ARHGAP30: variants seen among roughly 807,000 people sequenced by gnomAD.
The protein encoded by ARHGAP30 is Rho GTPase activating protein 30, also known as rho GTPase-activating protein 30.
ARHGAP30 carries 23 observed loss-of-function variants against 72.0 expected under a neutral mutation model. The observed-to-expected ratio is 0.32, with a 90% CI of 0.23 to 0.45. ARHGAP30 has a LOEUF of 0.45. ARHGAP30 is among the 20% of genes least tolerant of loss of function. The pLI is 1.00. For missense variants in ARHGAP30, 1,319 were observed against 1,383.4 expected (o/e 0.95, Z 0.74); for synonymous variants, 576 against 528.2 (o/e 1.09, Z -1.24).
chr1:161,065,339 G>A (rs1652680462), intron 1 of ARHGAP30, among the ~76,000 whole-genome samples: 1 of 152,136 alleles, frequency 6.6e-6, no homozygotes, highest in Admixed American at 6.5e-5. Flanking sequence ...ACAGAACAAT[G>A]TAATATGCAT....
intron 1 of ARHGAP30, among the ~76,000 whole-genome samples, chr1:161,064,819 GAAAGAAAGAAAGAGAAAGAAAGAA>G (rs1652606874): frequency 1.7e-5 from 1 of 60,600 alleles, no homozygotes; most frequent in Admixed American, 1.7e-4. Flanking sequence ...AAGAAAGAAA[GAAAGAAAGAAAGAGAAAGAAAGAA>G]AGAAAGGAAA....
rs761510561 is a variant in ARHGAP30, at chr1:161,049,434, A to G, written c.1676T>C (p.Val559Ala). Residue 559 changes from valine to alanine, a missense_variant, in exon 11 of 12, where the codon GTT becomes GCT. Physicochemically the swap from Val to Ala is moderately conservative, Grantham distance 64 (BLOSUM62 0). Transcript: ENST00000368013. The part of the protein sequence containing the change: ...GMGYLEELLG[V>A]GPQVEEFSVE... The stretch of plus-strand genomic sequence containing the variant: ...CACGGCTCTCCTTACCTGAGGCCCA[A>G]CTCCCAGGAGCTCCTCCAGGTAGCC... The G allele has an allele frequency of 1.9e-6, 3 of 1,609,590 alleles. No homozygotes were observed. The highest frequency in any genetic ancestry group is 1.7e-5 in the Admixed American group (1 of 59,812).
At chr1:161,060,265 G>A (rs747526181) in intron 1 of ARHGAP30, 3 of 372,876 alleles carry the variant, frequency 8.0e-6, no homozygotes, top group Non-Finnish European at 1.5e-5. Context: ...GTGAGACCCT[G>A]TTTCAAAAAA....
intron 3 of ARHGAP30, among the ~76,000 whole-genome samples, chr1:161,055,072 G>T (rs1318594267): frequency 2.0e-5 from 3 of 152,188 alleles, no homozygotes. Context: ...AACCTAGCCG[G>T]TGTGGACTGA....
intron 1 of ARHGAP30, among the ~76,000 whole-genome samples, chr1:161,062,031 T>G (rs1652347607): frequency 6.6e-6 from 1 of 152,006 alleles, no homozygotes; most frequent in African/African-American, 2.4e-5. Context: ...GAGGTTGCAA[T>G]GAGCCAAGAC....
Position 161,069,339 on chromosome 1 carries a change from G to T in ARHGAP30, c.97+189C>A, listed in dbSNP as rs1324876430. Among the ~76,000 whole-genome samples, 1 of 152,072 alleles carries T rather than the reference G, an allele frequency of 6.6e-6. No individual in the cohort carries two copies. The highest frequency in any genetic ancestry group is 1.5e-5 in the Non-Finnish European group (1 of 68,006). On this transcript the variant is annotated intron_variant, in intron 1 of 11. Coordinates refer to ENST00000368013, the MANE Select transcript of ARHGAP30 (RefSeq NM_001025598.2). This position sits in a 1 kb window ranked among gnomAD's most constrained non-coding sequence, Gnocchi z 4.9. Reference sequence around the variant, plus strand: ...CATCCCCAGAAAGTTACACAAGGGAGCCGCCCTGCCTTCTTCACTGAGCCA... The same window carrying T: ...CATCCCCAGAAAGTTACACAAGGGATCCGCCCTGCCTTCTTCACTGAGCCA...
Position 161,069,666 on chromosome 1 carries a change from C to T in ARHGAP30, c.-42G>A, listed in dbSNP as rs1465577146. 6 of 1,591,674 alleles carry T rather than the reference C, an allele frequency of 3.8e-6. No individual in the cohort carries two copies. The highest frequency in any genetic ancestry group is 5.1e-6 in the Non-Finnish European group (6 of 1,169,206). On this transcript the variant is annotated 5_prime_UTR_variant, in exon 1 of 12. Transcript: ENST00000368013. This position sits in a 1 kb window ranked among gnomAD's most constrained non-coding sequence, Gnocchi z 4.9. ...CACTGGCCCGGTCACCTCTATCCCC[C>T]AAGACCTGTGCCCTACCAGTCCCCC...
In ARHGAP30 at chr1:161,049,238, C is replaced by T. The variant is rs758788235; in HGVS notation, c.1783G>A (p.Gly595Ser). ...APSCCSLDSA[G>S]PRPEVEEENG... ...TCCTCCTCAACTTCAGGCCTGGGGC[C>T]AGCGGAGTCCAGGGAACAGCAGCTG... The change falls in exon 12 of 12, where the codon GGC becomes AGC. Residue 595 changes from glycine (G) to serine (S), a missense_variant. Physicochemically the swap from Gly to Ser is moderately conservative, Grantham distance 56. Coordinates refer to ENST00000368013, the MANE Select transcript of ARHGAP30 (RefSeq NM_001025598.2). The T allele has an allele frequency of 2.5e-6, 4 of 1,614,128 alleles. No individual in the cohort carries two copies. In the South Asian group the frequency reaches 4.4e-5, roughly 18 times the overall value.
intron 4 of ARHGAP30, 45 bp downstream of exon 4, chr1:161,054,578 A>T: frequency 5.6e-6 from 9 of 1,608,590 alleles, no homozygotes; most frequent in Non-Finnish European, 7.7e-6. Flanking sequence ...GCAGCGAGTG[A>T]ATGAGTTGTC....
At chr1:161,051,063 C>CTG (rs1557918906) in intron 10 of ARHGAP30, among the ~76,000 whole-genome samples, 1 of 152,248 alleles carries the variant, frequency 6.6e-6, no homozygotes, top group Non-Finnish European at 1.5e-5. Flanking sequence ...ATGTTTCTGA[C>CTG]ACAGGCCCCT....
At chr1:161,057,866 T>C (rs1651992895) in intron 2 of ARHGAP30, among the ~76,000 whole-genome samples, 1 of 151,720 alleles carries the variant, frequency 6.6e-6, no homozygotes, top group South Asian at 2.1e-4. Flanking sequence ...AATACAAAAC[T>C]GTGGGCTGAG....
rs1231561902 is a variant in ARHGAP30 at position 161,047,504 on chromosome 1, A to G, written c.*211T>C. On this transcript the variant is annotated 3_prime_UTR_variant, in exon 12 of 12. Transcript: ENST00000368013. ...CAAGATCTTGTTGACTTTCTTGGGA[A>G]TCTCCTAAGAGATAAGTGCTTTGTG... 4.9e-6 allele frequency: 2 copies of G among 407,428 alleles called. No homozygotes were observed. Among genetic ancestry groups the G allele is most frequent in the Non-Finnish European group, 8.5e-6 (2 of 236,188 alleles). The allele number at this position is 407,428 out of a possible 1,614,324, so 25.2% of individuals were successfully genotyped here.
intron 9 of ARHGAP30, 35 bp downstream of exon 9, chr1:161,052,251 C>T: frequency 6.2e-7 from 1 of 1,610,786 alleles, no homozygotes; most frequent in Non-Finnish European, 8.5e-7. Context: ...ACATAGCACA[C>T]ACACATACAC....
intron 3 of ARHGAP30, 70 bp from the exon 4 acceptor site, chr1:161,054,775 G>A (rs1651704764): frequency 2.2e-6 from 3 of 1,378,824 alleles, no homozygotes; most frequent in Non-Finnish European, 3.1e-6. Flanking sequence ...CCCAGAGCTT[G>A]TAACCAAGTT....
chr1:161,052,296 C>G lies in ARHGAP30; in HGVS notation c.1008G>C (p.Gly336=). Reference sequence around the variant, plus strand: ...CACCCCTATACTCACCATCACTGGCCCCAGCTGCAGCACTCAGTGAGTCCA... The same window carrying G: ...CACCCCTATACTCACCATCACTGGCGCCAGCTGCAGCACTCAGTGAGTCCA... ...KSMDSLSAAA[G]ASDEPEGLVG... is the part of the protein sequence containing the mutation. The change falls in exon 9 of 12, where the codon GGG becomes GGC. Residue 336 remains glycine, a synonymous_variant. Transcript: ENST00000368013. The G allele has an allele frequency of 6.2e-7, 1 of 1,613,960 alleles. No individual in the cohort carries two copies. The highest frequency in any genetic ancestry group is 1.1e-5 in the South Asian group (1 of 91,080).
Position 161,047,785 on chromosome 1 carries a change from A to AG in ARHGAP30, c.3235dup (p.Leu1079ProfsTer12), listed in dbSNP as rs1650969292. 6.3e-7 allele frequency: 1 copy of AG among 1,592,862 alleles called. No homozygotes were observed. The highest frequency in any genetic ancestry group is 8.5e-7 in the Non-Finnish European group (1 of 1,171,560). ...ATATGACCTGCGCTGAGAGGACAAC[A>AG]GGGGGTCAGGAACCTGGGGTTCTCT... On this transcript the variant is annotated frameshift_variant, in exon 12 of 12. Transcript: ENST00000368013. LOFTEE classifies it high-confidence loss of function.
intron 10 of ARHGAP30, 30 bp downstream of exon 10, chr1:161,051,284 C>G: frequency 6.5e-7 from 1 of 1,542,652 alleles, no homozygotes; most frequent in Non-Finnish European, 8.7e-7. Context: ...AGTCCCCTTT[C>G]CTAGTCTTGG....
At chr1:161,057,198 A>T (rs1651938676) in intron 2 of ARHGAP30, among the ~76,000 whole-genome samples, 1 of 150,810 alleles carries the variant, frequency 6.6e-6, no homozygotes. Flanking sequence ...TCTGTCGCCC[A>T]GACTGGCATG....
chr1:161,050,260 GAAAC>G (rs1275450279), intron 10 of ARHGAP30, among the ~76,000 whole-genome samples: 1 of 146,602 alleles, frequency 6.8e-6, no homozygotes, highest in African/African-American at 2.5e-5. Context: ...ATGAGAAAAT[GAAAC>G]AAACCAATCC....
Sources: gnomAD v4.1 joint callset for allele counts (sites outside exome capture counted in the v4.1 genomes callset) on GRCh38, gnomAD v4.1.1 for gene constraint, Gnocchi (gnomAD v3.1) non-coding constraint, MANE v1.5 for transcripts, NCBI Gene and HGNC (gene_info 2026-07-23, HGNC 2026-07-21) for gene names.